Variants in DHX29 observed in about 807,000 individuals in gnomAD.
The protein encoded by DHX29 is DExH-box helicase 29, also known as ATP-dependent RNA helicase DHX29.
In DHX29, 79 loss-of-function variants were observed where a neutral mutation model predicts 167.9. The ratio of observed to expected loss-of-function variants is 0.47; its 90% CI spans 0.39 to 0.57. The LOEUF (loss-of-function observed/expected upper bound fraction) is 0.57. Among genes scored for constraint, DHX29 ranks in the 20% least tolerant of loss-of-function variants. DHX29 has a pLI of 0.00. For missense variants in DHX29, 1,347 were observed against 1,593.4 expected (o/e 0.85, Z 2.63); for synonymous variants, 530 against 546.0 (o/e 0.97, Z 0.41).
intron 8 of DHX29, among the ~76,000 whole-genome samples, chr5:55,286,302 G>A (rs1747728081): frequency 6.6e-6 from 1 of 151,410 alleles, no homozygotes; most frequent in Admixed American, 6.6e-5. Context: ...AGAAAAGCTT[G>A]ATTTTCTTCT....
Position 55,262,892 on chromosome 5 carries a change from C to T in DHX29, c.3566G>A (p.Gly1189Glu). 1 of 1,613,836 alleles carries T rather than the reference C, an allele frequency of 6.2e-7. No homozygotes were observed. Among genetic ancestry groups the T allele is most frequent in the Non-Finnish European group, 8.5e-7 (1 of 1,179,874 alleles). Residue 1189 changes from glycine to glutamate, a missense_variant, in exon 24 of 27, where the codon GGA becomes GAA. This residue lies in a region of DHX29 where 882 missense variants were observed against 1,082.4 expected (regional missense o/e 0.81). Coordinates refer to ENST00000251636, the MANE Select transcript of DHX29 (RefSeq NM_019030.4). ...GGTAGAAGTTGTGGAAGATGAAAAT[C>T]CTGCTGCCTTAACCAACTTTATTAA... ...QELIKLVKAA[G>E]FSSSTTSTSW...
At chr5:55,292,984 T>A (rs1178664369) in intron 6 of DHX29, among the ~76,000 whole-genome samples, 1 of 148,100 alleles carries the variant, frequency 6.8e-6, no homozygotes, top group Admixed American at 6.7e-5. Context: ...AACTTGGATA[T>A]ACAGAAGAAT....
intron 3 of DHX29, among the ~76,000 whole-genome samples, chr5:55,296,842 C>A (rs1748350195): frequency 6.6e-6 from 1 of 152,004 alleles, no homozygotes; most frequent in Non-Finnish European, 1.5e-5. Context: ...AGCATTTTAA[C>A]ATACTTTCTA....
At chr5:55,257,209 C>T (rs948080074) in intron 26 of DHX29, among the ~76,000 whole-genome samples, 6 of 152,136 alleles carry the variant, frequency 3.9e-5, no homozygotes, top group Admixed American at 6.5e-5. Flanking sequence ...ATTGTGACTT[C>T]CTAAGAACCT....
At chr5:55,259,542 C>T (rs912009015) in intron 26 of DHX29, among the ~76,000 whole-genome samples, 4 of 152,144 alleles carry the variant, frequency 2.6e-5, no homozygotes, top group East Asian at 3.9e-4. Flanking sequence ...CTGCAACCTA[C>T]GCCTCTCAGG....
At position 55,294,010 on chromosome 5, in the gene DHX29, T is replaced by C. The variant is rs776454444; in HGVS notation, c.780+7A>G. 2 of 1,603,012 alleles carry C rather than the reference T, an allele frequency of 1.2e-6. No homozygotes were observed. Among genetic ancestry groups the C allele is most frequent in the Non-Finnish European group, 1.7e-6 (2 of 1,176,660 alleles). ...CAGTTAGAAGCCTAACACAAATTTC[T>C]ACTCACAGGGTCAAATTTTTCCTCC... On this transcript the variant is annotated splice_region_variant and intron_variant, in intron 6 of 26. Coordinates refer to ENST00000251636, the MANE Select transcript of DHX29 (RefSeq NM_019030.4).
chr5:55,274,857 G>C lies in DHX29; in HGVS notation c.2572+9C>G. The C allele has an allele frequency of 1.2e-6, 2 of 1,609,764 alleles. No homozygotes were observed. The highest frequency in any genetic ancestry group is 1.7e-6 in the Non-Finnish European group (2 of 1,178,588). ...ATCAAATGGAGACCCATTAGAAATA[G>C]AAATATACCTAAGTATGCAAGAAGT... On this transcript the variant is annotated intron_variant, in intron 15 of 26. Transcript: ENST00000251636.
At position 55,276,282 on chromosome 5, in the gene DHX29, C is replaced by A; in HGVS notation, c.2411G>T (p.Gly804Val). ...TCTTTTTACCTGATATTTTTTTATT[C>A]CCCCTGCTTTGCTTGTAACATTAAT... ...VTINVTSKAG[G>V]IKKYQEYIPV... Residue 804 changes from glycine to valine, a missense_variant, in exon 14 of 27, where the codon GGA (glycine) becomes GTA (valine). This residue lies in a region of DHX29 where 882 missense variants were observed against 1,082.4 expected (regional missense o/e 0.81). Transcript: ENST00000251636. 2 of 1,576,660 alleles carry A rather than the reference C, an allele frequency of 1.3e-6. No individual in the cohort carries two copies. Among genetic ancestry groups the A allele is most frequent in the Non-Finnish European group, 8.6e-7 (1 of 1,169,266 alleles).
chr5:55,265,821 G>T (rs1312837042), intron 23 of DHX29, among the ~76,000 whole-genome samples: 1 of 152,164 alleles, frequency 6.6e-6, no homozygotes, highest in Non-Finnish European at 1.5e-5. Flanking sequence ...CTAGGGGGCA[G>T]ATAGTAGAAT....
At chr5:55,275,194 C>T (rs1194422248) in intron 14 of DHX29, among the ~76,000 whole-genome samples, 184 bp from the exon 15 acceptor site, 3 of 152,084 alleles carry the variant, frequency 2.0e-5, no homozygotes, top group African/African-American at 7.2e-5. Flanking sequence ...CAGAAAATAT[C>T]ATCTCTGTCC....
At chr5:55,282,283 A>G (rs183266929) in intron 11 of DHX29, among the ~76,000 whole-genome samples, 12 of 152,340 alleles carry the variant, frequency 7.9e-5, no homozygotes, top group Admixed American at 5.9e-4. Context: ...TCAAGATCTC[A>G]TAAAATTTGC....
intron 18 of DHX29, 99 bp from the exon 19 acceptor site, chr5:55,270,805 TAA>T: frequency 1.2e-6 from 1 of 858,204 alleles, no homozygotes; most frequent in African/African-American, 1.7e-5. Context: ...AACACAGGCT[TAA>T]AAAATCCATT....
chr5:55,297,287 G>A lies in DHX29; in HGVS notation c.373C>T (p.Gln125Ter). ...ACTTTAAAAAGTTTGCAAAATACCT[G>A]CAATTTTTTGGCAGTAAGTCTTCCA... ...ISGRLTAKKLQDLYMALQAFS... is the reference protein window; with the variant it reads ...ISGRLTAKKL Residue 125 changes from glutamine (Q) to a stop codon, truncating the protein, a stop_gained and splice_region_variant, in exon 3 of 27, where the codon CAG (glutamine) becomes TAG (stop). Coordinates refer to ENST00000251636, the MANE Select transcript of DHX29 (RefSeq NM_019030.4). LOFTEE classifies it high-confidence loss of function. 1 of 1,518,230 alleles carries A rather than the reference G, an allele frequency of 6.6e-7. No homozygotes were observed. The highest frequency in any genetic ancestry group is 9.1e-7 in the Non-Finnish European group (1 of 1,097,052). 94.0% of individuals were successfully genotyped at this position (1,518,230 alleles called of 1,614,324 possible).
At chr5:55,293,648 A>G (rs995502920) in intron 6 of DHX29, among the ~76,000 whole-genome samples, 1 of 152,160 alleles carries the variant, frequency 6.6e-6, no homozygotes, top group Non-Finnish European at 1.5e-5. Flanking sequence ...TTGACTTAGT[A>G]TATTTTCTGC....
chr5:55,290,360 C>G lies in DHX29; in HGVS notation c.781-16G>C. On this transcript the variant is annotated splice_polypyrimidine_tract_variant and intron_variant, in intron 6 of 26. Transcript: ENST00000251636. ...ACCTTTCATTCTGTTCCAAATAAAACAATGAGGAGGGGGAAAAAAAAAGAA... is the reference window on the plus strand; with the variant it reads ...ACCTTTCATTCTGTTCCAAATAAAAGAATGAGGAGGGGGAAAAAAAAAGAA... The G allele has an allele frequency of 6.4e-7, 1 of 1,557,832 alleles. No individual in the cohort carries two copies. Among genetic ancestry groups the G allele is most frequent in the Admixed American group, 2.1e-5 (1 of 47,192 alleles).
chr5:55,276,299 A>T lies in DHX29; in HGVS notation c.2394T>A (p.Val798=), dbSNP rs769591949. The T allele has an allele frequency of 1.3e-6, 2 of 1,594,862 alleles. No individual in the cohort carries two copies. Among genetic ancestry groups the T allele is most frequent in the East Asian group, 2.3e-5 (1 of 44,390 alleles). ...LEEEEEVTIN[V]TSKAGGIKKY... ...TTTTTATTCCCCCTGCTTTGCTTGTAACATTAATGGTTACTTCTTCTTCCT... is the reference window on the plus strand; with the variant it reads ...TTTTTATTCCCCCTGCTTTGCTTGTTACATTAATGGTTACTTCTTCTTCCT... The change falls in exon 14 of 27, where the codon GTT becomes GTA. Residue 798 remains valine, a synonymous_variant. Transcript: ENST00000251636.
chr5:55,261,734 C>A (rs191335925), intron 24 of DHX29, among the ~76,000 whole-genome samples: 111 of 152,184 alleles, frequency 7.3e-4, no homozygotes, highest in African/African-American at 2.5e-3. Flanking sequence ...ATTGCTAAGG[C>A]TGAGTTATAT....
intron 21 of DHX29, 79 bp from the exon 22 acceptor site, chr5:55,267,901 A>C (rs796169367): frequency 8.9e-7 from 1 of 1,120,404 alleles, no homozygotes; most frequent in Non-Finnish European, 1.2e-6. Context: ...AAAGAAAGCA[A>C]ATCATAAAAC....
chr5:55,257,353 A>G (rs1746102768), intron 26 of DHX29, among the ~76,000 whole-genome samples: 1 of 152,186 alleles, frequency 6.6e-6, no homozygotes, highest in Non-Finnish European at 1.5e-5. Flanking sequence ...CAACAACAAA[A>G]AAGTGGGAGG....
Sources: allele counts gnomAD v4.1 joint callset (sites outside exome capture counted in the v4.1 genomes callset), GRCh38; gene constraint gnomAD v4.1.1; regional missense constraint gnomAD v4.1.1; transcripts MANE v1.5; gene names NCBI Gene and HGNC (gene_info 2026-07-23, HGNC 2026-07-21).